Variants in XXYLT1 observed in about 807,000 individuals in gnomAD.
The protein encoded by XXYLT1 is UDP-xylose:alpha-xyloside alpha-1,3-xylosyltransferase.
A neutral mutation model predicts 28.9 loss-of-function variants in XXYLT1; 20 were observed. That is an observed-to-expected ratio of 0.69 (90% CI 0.49 to 1.00). The LOEUF (loss-of-function observed/expected upper bound fraction) is 1.00. Ranked by LOEUF, XXYLT1 falls within the 50% of genes least tolerant of loss-of-function variation. The pLI is 0.00. For synonymous variants in XXYLT1, 257 were observed against 253.8 expected (o/e 1.01, Z -0.12); for missense variants, 542 against 560.1 (o/e 0.97, Z 0.33).
chr3:195,247,967 C>G, intron 1 of XXYLT1: 1 of 541,808 alleles, frequency 1.8e-6, no homozygotes, highest in Non-Finnish European at 3.3e-6. Context: ...AATCACCTCC[C>G]ACCAGGCCCT....
At chr3:195,172,410 G>C (rs977916791) in intron 2 of XXYLT1, among the ~76,000 whole-genome samples, 9 of 152,236 alleles carry the variant, frequency 5.9e-5, no homozygotes, top group African/African-American at 2.2e-4. Flanking sequence ...GCCAGGGGAA[G>C]TACCAAGCCG....
intron 1 of XXYLT1, among the ~76,000 whole-genome samples, chr3:195,260,252 GC>G (rs1560180798): frequency 1.3e-5 from 2 of 150,910 alleles, no homozygotes; most frequent in African/African-American, 4.8e-5. Context: ...CCGTGTGTCG[GC>G]CCCGGGCGGG....
chr3:195,159,702 A>C lies in XXYLT1; in HGVS notation c.653-3121T>G, dbSNP rs373414930. Among the ~76,000 whole-genome samples, 5 of 152,122 alleles carry C rather than the reference A, an allele frequency of 3.3e-5. 1 individual carries two copies. Among genetic ancestry groups the C allele is most frequent in the Admixed American group, 6.5e-5 (1 of 15,274 alleles). On this transcript the variant is annotated intron_variant, in intron 2 of 3. Transcript: ENST00000310380. ...GGAGCTCCTGGCTGTCCAGGGGACT[A>C]TTTTCAGGGCTGAGAACACCTATGT...
At chr3:195,165,434 C>A (rs544706014) in intron 2 of XXYLT1, among the ~76,000 whole-genome samples, 1 of 152,140 alleles carries the variant, frequency 6.6e-6, no homozygotes, top group Non-Finnish European at 1.5e-5. Context: ...CCAGCCACAG[C>A]GCCTGACTTC....
intron 3 of XXYLT1, among the ~76,000 whole-genome samples, chr3:195,089,956 C>A (rs1196347820): frequency 1.3e-5 from 2 of 151,744 alleles, no homozygotes; most frequent in African/African-American, 4.8e-5. Context: ...GTAAAGGGAT[C>A]AATTCAACAA....
Position 195,195,862 on chromosome 3 carries a change from A to G in XXYLT1, c.652+30847T>C, listed in dbSNP as rs1222651787. 2.6e-5 allele frequency among the ~76,000 whole-genome samples: 4 copies of G among 152,286 alleles called. No individual in the cohort carries two copies. The highest frequency in any genetic ancestry group is 1.9e-4 in the East Asian group (1 of 5,180). On this transcript the variant is annotated intron_variant, in intron 2 of 3. Transcript: ENST00000310380. This position sits in a 1 kb window ranked among gnomAD's most constrained non-coding sequence, Gnocchi z 4.4. ...CAGTCCTGTTGCATTGAAGTATCCA[A>G]TGAGCTCCAGTGAGCCTGAGCCTGG...
At chr3:195,131,554 A>G (rs577071394) in intron 3 of XXYLT1, among the ~76,000 whole-genome samples, 1 of 152,364 alleles carries the variant, frequency 6.6e-6, no homozygotes, top group Non-Finnish European at 1.5e-5. Context: ...GCTCCATTCC[A>G]GCTGTAGGAC....
intron 3 of XXYLT1, among the ~76,000 whole-genome samples, chr3:195,114,156 C>T (rs986383191): frequency 1.3e-5 from 2 of 152,208 alleles, no homozygotes; most frequent in African/African-American, 4.8e-5. Context: ...ATTTTGCCCA[C>T]TTATGGTGGC....
chr3:195,151,089 C>T (rs977166906), intron 3 of XXYLT1, among the ~76,000 whole-genome samples: 3 of 152,118 alleles, frequency 2.0e-5, no homozygotes, highest in African/African-American at 7.2e-5. Flanking sequence ...CTCTCTTACC[C>T]TGGTTTCCCT....
intron 2 of XXYLT1, among the ~76,000 whole-genome samples, chr3:195,214,549 GA>G (rs1723474614): frequency 6.6e-6 from 1 of 152,164 alleles, no homozygotes; most frequent in Admixed American, 6.5e-5. Context: ...CAGGATCTCA[GA>G]GGCTGGAAAA....
At chr3:195,151,757 C>T (rs939156641) in intron 3 of XXYLT1, among the ~76,000 whole-genome samples, 2 of 151,744 alleles carry the variant, frequency 1.3e-5, no homozygotes, top group Non-Finnish European at 2.9e-5. Flanking sequence ...TGTGAAGTTC[C>T]ATTTAATTGG....
chr3:195,172,506 T>C (rs1476418310), intron 2 of XXYLT1, among the ~76,000 whole-genome samples: 2 of 152,190 alleles, frequency 1.3e-5, no homozygotes, highest in African/African-American at 4.8e-5. Flanking sequence ...GCCTTCCCTG[T>C]TCATGACTAA....
Position 195,256,557 on chromosome 3 carries a change from C to T in XXYLT1, c.504+13998G>A, listed in dbSNP as rs1725485882. ...AAAGAGGGGAAGAGCAGCCTCCTCACACCCCGCAACTTCTCACCCGCACAT... is the reference window on the plus strand; with the variant it reads ...AAAGAGGGGAAGAGCAGCCTCCTCATACCCCGCAACTTCTCACCCGCACAT... On this transcript the variant is annotated intron_variant, in intron 1 of 3. Transcript: ENST00000310380. The surrounding 1 kb of genome is among the most constrained non-coding windows in gnomAD (Gnocchi z 4.2). 1 of 985,420 alleles carries T rather than the reference C, an allele frequency of 1.0e-6. No individual in the cohort carries two copies. The highest frequency in any genetic ancestry group is 1.2e-6 in the Non-Finnish European group (1 of 829,922). The allele number at this position is 985,420 out of a possible 1,614,324, so 61.0% of individuals were successfully genotyped here. A position where few individuals can be genotyped will look rare whatever the true frequency, so the allele number is the denominator to read the frequency against.
Position 195,115,776 on chromosome 3 carries a change from A to T in XXYLT1, c.785+40673T>A, listed in dbSNP as rs1718012887. 1.3e-5 allele frequency among the ~76,000 whole-genome samples: 2 copies of T among 151,946 alleles called. No individual in the cohort carries two copies. Among genetic ancestry groups the T allele is most frequent in the South Asian group, 4.1e-4 (2 of 4,820 alleles). On this transcript the variant is annotated intron_variant, in intron 3 of 3. Coordinates refer to ENST00000310380, the MANE Select transcript of XXYLT1 (RefSeq NM_152531.5). This position sits in a 1 kb window ranked among gnomAD's most constrained non-coding sequence, Gnocchi z 4.2. ...GGCGGCAGGTGCAGGCCAGGACCGG[A>T]CCTCGGTTATCTAGAGAGTAACTAA... is the stretch of plus-strand genomic sequence containing the variant.
At chr3:195,212,917 C>G (rs918455522) in intron 2 of XXYLT1, among the ~76,000 whole-genome samples, 2 of 152,188 alleles carry the variant, frequency 1.3e-5, no homozygotes, top group Non-Finnish European at 2.9e-5. Context: ...TGGTCAGTGC[C>G]GCGAGGGCGC....
At chr3:195,156,200 G>A (rs1366694848) in intron 3 of XXYLT1, among the ~76,000 whole-genome samples, 2 of 152,174 alleles carry the variant, frequency 1.3e-5, no homozygotes, top group African/African-American at 2.4e-5. Flanking sequence ...CCAACAACCA[G>A]AACAACTGGG....
intron 1 of XXYLT1, among the ~76,000 whole-genome samples, chr3:195,242,080 G>C (rs1343545595): frequency 6.6e-6 from 1 of 152,202 alleles, no homozygotes. Flanking sequence ...TGGAGGCTCT[G>C]TAAATGCTTG....
intron 3 of XXYLT1, among the ~76,000 whole-genome samples, chr3:195,086,982 G>C (rs956823471): frequency 6.6e-6 from 1 of 152,174 alleles, no homozygotes; most frequent in African/African-American, 2.4e-5. Flanking sequence ...CACAAGGAGG[G>C]AGAGTGGCCT....
intron 2 of XXYLT1, among the ~76,000 whole-genome samples, chr3:195,171,970 G>A (rs571053365): frequency 6.6e-6 from 1 of 152,346 alleles, no homozygotes; most frequent in African/African-American, 2.4e-5. Context: ...AAAGCCAGGC[G>A]TTAATTGTGT....
Sources: gnomAD v4.1 joint callset for allele counts (sites outside exome capture counted in the v4.1 genomes callset) on GRCh38, gnomAD v4.1.1 for gene constraint, Gnocchi (gnomAD v3.1) non-coding constraint, MANE v1.5 for transcripts, NCBI Gene and HGNC (gene_info 2026-07-23, HGNC 2026-07-21) for gene names.